FRRS1: variants seen among roughly 807,000 people sequenced by gnomAD.
FRRS1 encodes the protein ferric chelate reductase 1.
In FRRS1, 51 loss-of-function variants were observed where a neutral mutation model predicts 70.7. That is an observed-to-expected ratio of 0.72 (90% confidence interval 0.58 to 0.91). FRRS1 has a LOEUF of 0.91. FRRS1 is among the 40% of genes least tolerant of loss of function. The pLI is 0.00. For missense variants in FRRS1, 672 were observed against 726.0 expected, an observed-to-expected ratio of 0.93 and a Z score of 0.86; for synonymous variants, 225 against 238.7, an observed-to-expected ratio of 0.94 and a Z score of 0.53.
rs1166055178 is a variant in FRRS1 at position 99,708,768 on chromosome 1, TGA to T, written c.*258_*259del. The T allele has an allele frequency of 1.7e-5, 10 of 583,878 alleles. No individual in the cohort carries two copies. The highest frequency in any genetic ancestry group is 2.7e-5 in the Non-Finnish European group (9 of 337,738). 36.2% of individuals were successfully genotyped at this position (583,878 alleles called of 1,614,324 possible). On this transcript the variant is annotated 3_prime_UTR_variant, in exon 17 of 17. Transcript: ENST00000646001. ...TCTTAAAATCTTGGCATGAAATATT[TGA>T]GAGTTACTTCTCCTGAAGTACAATC...
At chr1:99,763,771 G>A (rs930127602) in intron 1 of FRRS1, among the ~76,000 whole-genome samples, 2 of 151,658 alleles carry the variant, frequency 1.3e-5, no homozygotes, top group Non-Finnish European at 1.5e-5. Context: ...GGGAGGCTGA[G>A]GCAGAAGAAT....
intron 1 of FRRS1, among the ~76,000 whole-genome samples, chr1:99,755,394 T>C (rs1295162325): frequency 6.6e-6 from 1 of 151,300 alleles, no homozygotes; most frequent in Non-Finnish European, 1.5e-5. Flanking sequence ...GACACTGCAC[T>C]CCAGCCTGGG....
intron 1 of FRRS1, among the ~76,000 whole-genome samples, chr1:99,759,450 A>G (rs1657013185): frequency 6.6e-6 from 1 of 152,160 alleles, no homozygotes; most frequent in African/African-American, 2.4e-5. Flanking sequence ...TCAGCATTTC[A>G]TCTAGGATTT....
intron 8 of FRRS1, 82 bp from the exon 9 acceptor site, chr1:99,728,722 C>A: frequency 8.2e-7 from 1 of 1,214,868 alleles, no homozygotes; most frequent in South Asian, 1.6e-5. Flanking sequence ...CTGCCCTGTT[C>A]AGTTTCCTTT....
chr1:99,733,634 C>A, intron 7 of FRRS1, among the ~76,000 whole-genome samples: 1 of 151,978 alleles, frequency 6.6e-6, no homozygotes, highest in East Asian at 1.9e-4. Context: ...ACACAATGGA[C>A]AAAAGAAACC....
Position 99,728,158 on chromosome 1 carries a change from C to A in FRRS1, c.1006+335G>T, listed in dbSNP as rs1051292124. On this transcript the variant is annotated intron_variant, in intron 9 of 16. Coordinates refer to ENST00000646001, the MANE Select transcript of FRRS1 (RefSeq NM_001361041.2). The stretch of plus-strand genomic sequence containing the variant: ...CCTCAAAGTCACTGCTTCTAGGTCC[C>A]CTGCAATGTTAATCTACTATCACTA... Among the ~76,000 whole-genome samples, 5 of 152,214 alleles carry A rather than the reference C, an allele frequency of 3.3e-5. No homozygotes were observed. In the East Asian group the frequency reaches 9.6e-4, roughly 29 times the overall value.
In FRRS1 at chr1:99,704,790, C is replaced by T. The variant is rs911389285; in HGVS notation, c.*4238G>A. Reference sequence around the variant, plus strand: ...ATCCCAGCATGCCGACAGGCCACGACTGGCGGAAGGAGGAACAGTTGGCGG... The same window carrying T: ...ATCCCAGCATGCCGACAGGCCACGATTGGCGGAAGGAGGAACAGTTGGCGG... On this transcript the variant is annotated 3_prime_UTR_variant, in exon 17 of 17. Coordinates refer to ENST00000646001, the MANE Select transcript of FRRS1 (RefSeq NM_001361041.2). Among the ~76,000 whole-genome samples, 1 of 152,118 alleles carries T rather than the reference C, an allele frequency of 6.6e-6. No homozygotes were observed. The highest frequency in any genetic ancestry group is 2.4e-5 in the African/African-American group (1 of 41,424).
At chr1:99,738,779 T>C (rs1032287265) in intron 6 of FRRS1, among the ~76,000 whole-genome samples, 4 of 152,204 alleles carry the variant, frequency 2.6e-5, no homozygotes, top group Non-Finnish European at 4.4e-5. Flanking sequence ...CTGATTCAAA[T>C]TTCGTACTAA....
intron 9 of FRRS1, among the ~76,000 whole-genome samples, chr1:99,725,629 G>A (rs756413221): frequency 6.6e-6 from 1 of 152,168 alleles, no homozygotes; most frequent in Non-Finnish European, 1.5e-5. Context: ...CCAAGACAGA[G>A]ATTTTCCCTC....
intron 7 of FRRS1, 46 bp from the exon 8 acceptor site, chr1:99,729,794 G>A (rs1457632387): frequency 3.9e-6 from 5 of 1,281,562 alleles, no homozygotes; most frequent in East Asian, 2.3e-5. Context: ...AGGAATTTCA[G>A]CATTTTATTT....
intron 15 of FRRS1, among the ~76,000 whole-genome samples, chr1:99,709,931 G>C (rs1260232217): frequency 6.6e-6 from 1 of 152,046 alleles, no homozygotes; most frequent in Non-Finnish European, 1.5e-5. Flanking sequence ...TCACACCACT[G>C]CACTCCAGCC....
chr1:99,713,845 G>C (rs184418479), intron 12 of FRRS1, among the ~76,000 whole-genome samples: 2 of 152,270 alleles, frequency 1.3e-5, no homozygotes, highest in Admixed American at 6.5e-5. Context: ...GGCATAAAGA[G>C]TGCTATGGGA....
intron 4 of FRRS1, 43 bp from the exon 5 acceptor site, chr1:99,742,316 G>C (rs1160296381): frequency 8.8e-7 from 1 of 1,141,572 alleles, no homozygotes; most frequent in Non-Finnish European, 1.3e-6. Context: ...TCACTCAATA[G>C]CTCAGCATGG....
At chr1:99,719,395 G>A (rs543518422) in intron 10 of FRRS1, 139 bp downstream of exon 10, 538 of 525,472 alleles carry the variant, frequency 1.0e-3, no homozygotes, top group Middle Eastern at 1.7e-3. Context: ...GTGACAGAGC[G>A]AGACTCCATC....
At chr1:99,753,302 C>A (rs1656666738) in intron 1 of FRRS1, among the ~76,000 whole-genome samples, 1 of 151,370 alleles carries the variant, frequency 6.6e-6, no homozygotes, top group African/African-American at 2.4e-5. Flanking sequence ...AGGAAGATTG[C>A]TTGAGCCCAG....
intron 12 of FRRS1, 57 bp downstream of exon 12, chr1:99,715,529 A>G: frequency 6.3e-6 from 6 of 947,266 alleles, no homozygotes; most frequent in Non-Finnish European, 1.0e-5. Context: ...ATAAAACAGC[A>G]ATCTGTTTTG....
chr1:99,752,632 C>T (rs72723768), intron 1 of FRRS1, among the ~76,000 whole-genome samples: 14,107 of 152,194 alleles, frequency 0.093, 836 homozygotes, highest in Non-Finnish European at 0.14. Flanking sequence ...AAAGTGTGGC[C>T]AAGCGTGGTG....
chr1:99,747,191 T>C, intron 4 of FRRS1, 103 bp downstream of exon 4: 1 of 815,094 alleles, frequency 1.2e-6, no homozygotes, highest in Non-Finnish European at 2.0e-6. Flanking sequence ...TGTAGTTAAG[T>C]CTGGGGGGAG....
At chr1:99,722,567 C>A (rs953020) in intron 9 of FRRS1, among the ~76,000 whole-genome samples, 17,650 of 152,154 alleles carry the variant, frequency 0.12, 2,030 homozygotes, top group African/African-American at 0.3. Context: ...GAGGATCATT[C>A]ACTGTCCAGA....
Sources: gnomAD v4.1 joint callset for allele counts (sites outside exome capture counted in the v4.1 genomes callset) on GRCh38, gnomAD v4.1.1 for gene constraint, MANE v1.5 for transcripts, NCBI Gene and HGNC (gene_info 2026-07-23, HGNC 2026-07-21) for gene names.